DPP10: variants seen among roughly 807,000 people sequenced by gnomAD.
DPP10 encodes the protein inactive dipeptidyl peptidase 10.
In DPP10, 33 loss-of-function variants were observed where a neutral mutation model predicts 120.9. That is an observed-to-expected ratio of 0.27 (90% CI 0.21 to 0.37). DPP10 has a LOEUF of 0.37. Among genes scored for constraint, DPP10 ranks in the 10% least tolerant of loss-of-function variants. The pLI is 1.00. For synonymous variants in DPP10, 337 were observed against 326.1 expected (o/e 1.03, Z -0.36); for missense variants, 816 against 942.8 (o/e 0.87, Z 1.76).
chr2:115,118,031 T>C (rs925088667), intron 1 of DPP10, among the ~76,000 whole-genome samples: 4 of 152,222 alleles, frequency 2.6e-5, no homozygotes, highest in African/African-American at 9.6e-5. Context: ...TAACTTTTGA[T>C]TTAAGAAAAA....
chr2:115,240,733 G>A (rs1050371748), intron 1 of DPP10, among the ~76,000 whole-genome samples: 6 of 152,164 alleles, frequency 3.9e-5, no homozygotes, highest in Non-Finnish European at 8.8e-5. Flanking sequence ...AACCCACAAT[G>A]TCTTCAAAGT....
At chr2:115,199,944 C>A (rs1404272565) in intron 1 of DPP10, among the ~76,000 whole-genome samples, 2 of 152,158 alleles carry the variant, frequency 1.3e-5, no homozygotes, top group South Asian at 2.1e-4. Flanking sequence ...CAGAGGACAG[C>A]CTCCTGGATA....
At chr2:115,671,032 A>G (rs2089833687) in intron 5 of DPP10, among the ~76,000 whole-genome samples, 1 of 152,088 alleles carries the variant, frequency 6.6e-6, no homozygotes, top group African/African-American at 2.4e-5. Context: ...ATTATTTTAA[A>G]CTAGTGATGA....
intron 3 of DPP10, chr2:115,468,945 C>T: frequency 4.1e-6 from 1 of 246,322 alleles, no homozygotes; most frequent in South Asian, 4.5e-5. Context: ...TTAAGCTGTT[C>T]TTTCATAGAT....
chr2:114,549,201 T>G (rs1191646699), intron 1 of DPP10, among the ~76,000 whole-genome samples: 1 of 151,678 alleles, frequency 6.6e-6, no homozygotes, highest in Non-Finnish European at 1.5e-5. Context: ...ATGCACTCAC[T>G]GGCTTCTTTC....
chr2:115,277,648 T>C (rs2059975695), intron 1 of DPP10, among the ~76,000 whole-genome samples: 1 of 151,976 alleles, frequency 6.6e-6, no homozygotes, highest in Non-Finnish European at 1.5e-5. Context: ...ATCTATACTT[T>C]ATTGGTTTCT....
Position 114,783,273 on chromosome 2 carries a change from A to T in DPP10, c.60+340435A>T, listed in dbSNP as rs1461155878. On this transcript the variant is annotated intron_variant, in intron 1 of 25. Transcript: ENST00000410059. ...AAGGAAAGGTGCTTAAAGAAATGTA[A>T]CCTAGAAACAAATGATAAATAAAAT... 3.3e-5 allele frequency among the ~76,000 whole-genome samples: 5 copies of T among 152,266 alleles called. No homozygotes were observed. In the East Asian group the frequency reaches 9.6e-4, roughly 29 times the overall value.
intron 5 of DPP10, among the ~76,000 whole-genome samples, chr2:115,601,202 C>T (rs1469504608): frequency 6.6e-6 from 1 of 152,132 alleles, no homozygotes; most frequent in Non-Finnish European, 1.5e-5. Flanking sequence ...AAAGTGGTGA[C>T]TAGAATTGAA....
intron 3 of DPP10, among the ~76,000 whole-genome samples, chr2:115,395,248 G>A (rs778580484): frequency 1.3e-5 from 2 of 152,140 alleles, no homozygotes; most frequent in Non-Finnish European, 2.9e-5. Flanking sequence ...TCCTGCCTCC[G>A]TGCATGTGCA....
intron 3 of DPP10, 146 bp downstream of exon 3, chr2:115,344,058 C>A: frequency 2.2e-6 from 1 of 460,128 alleles, no homozygotes; most frequent in Non-Finnish European, 3.5e-6. Context: ...ATCGCTTGAA[C>A]CTGGGAGGCG....
At chr2:115,291,267 G>C (rs968818343) in intron 1 of DPP10, among the ~76,000 whole-genome samples, 1 of 152,040 alleles carries the variant, frequency 6.6e-6, no homozygotes, top group Non-Finnish European at 1.5e-5. Flanking sequence ...ACCTCCCAAA[G>C]TGCTCAGATT....
At chr2:114,460,185 C>G (rs1423000193) in intron 1 of DPP10, among the ~76,000 whole-genome samples, 1 of 147,388 alleles carries the variant, frequency 6.8e-6, no homozygotes, top group African/African-American at 2.5e-5. Flanking sequence ...ATCTATCTAT[C>G]TATCTATCTA....
intron 1 of DPP10, among the ~76,000 whole-genome samples, chr2:114,823,811 T>C (rs904081815): frequency 6.6e-6 from 1 of 152,142 alleles, no homozygotes; most frequent in African/African-American, 2.4e-5. Context: ...GGAAATAAAA[T>C]AACCCATTCT....
intron 1 of DPP10, among the ~76,000 whole-genome samples, chr2:114,967,170 G>T (rs1467636158): frequency 6.6e-6 from 1 of 152,142 alleles, no homozygotes; most frequent in South Asian, 2.1e-4. Flanking sequence ...GGGATATAAA[G>T]TTGAGCCAAC....
At chr2:115,075,185 T>C (rs1243688436) in intron 1 of DPP10, among the ~76,000 whole-genome samples, 2 of 152,242 alleles carry the variant, frequency 1.3e-5, no homozygotes, top group Non-Finnish European at 2.9e-5. Flanking sequence ...GTGATAGCAT[T>C]GACTGCTGAT....
intron 1 of DPP10, among the ~76,000 whole-genome samples, chr2:115,228,136 T>A (rs1327009907): frequency 2.0e-5 from 3 of 151,856 alleles, no homozygotes; most frequent in Non-Finnish European, 2.9e-5. Context: ...GTTGTTGACA[T>A]GGGGTTTTGC....
intron 5 of DPP10, among the ~76,000 whole-genome samples, chr2:115,536,428 T>A (rs2078845572): frequency 6.6e-6 from 1 of 152,026 alleles, no homozygotes; most frequent in Non-Finnish European, 1.5e-5. Flanking sequence ...AGTTGACAGA[T>A]TAGCACTCTC....
In DPP10 at chr2:114,954,169, C is replaced by A. The variant is rs201380254; in HGVS notation, c.61-355070C>A. 4.4e-4 allele frequency among the ~76,000 whole-genome samples: 66 copies of A among 151,450 alleles called. No individual in the cohort carries two copies. In the East Asian group the frequency reaches 0.012, roughly 27 times the overall value. The stretch of plus-strand genomic sequence containing the variant: ...TATCTCGGCTCACTGCAAGCTCCGC[C>A]TCCCAGGTTCTTGCCATTCTCCTGC... On this transcript the variant is annotated intron_variant, in intron 1 of 25. Coordinates refer to ENST00000410059, the MANE Select transcript of DPP10 (RefSeq NM_020868.6).
At chr2:115,090,544 C>T (rs937084368) in intron 1 of DPP10, among the ~76,000 whole-genome samples, 1 of 152,156 alleles carries the variant, frequency 6.6e-6, no homozygotes, top group Non-Finnish European at 1.5e-5. Context: ...CACAAGTCTG[C>T]TACGTTCTCC....
Sources: gnomAD v4.1 joint callset for allele counts (sites outside exome capture counted in the v4.1 genomes callset) on GRCh38, gnomAD v4.1.1 for gene constraint, MANE v1.5 for transcripts, NCBI Gene and HGNC (gene_info 2026-07-23, HGNC 2026-07-21) for gene names.